WNK1: variants seen among roughly 807,000 people sequenced by gnomAD.
The protein encoded by WNK1 is WNK lysine deficient protein kinase 1.
A neutral mutation model predicts 222.8 loss-of-function variants in WNK1; 38 were observed. The observed-to-expected ratio is 0.17, with a 90% CI of 0.13 to 0.22. WNK1 has a LOEUF of 0.22. Among genes scored for constraint, WNK1 ranks in the 10% least tolerant of loss-of-function variants. WNK1 has a pLI of 1.00. For synonymous variants in WNK1, 1,090 were observed against 1,092.9 expected (o/e 1.00, Z 0.05); for missense variants, 2,348 against 2,918.4 (o/e 0.80, Z 4.50).
chr12:787,099 A>G (rs775243349), intron 1 of WNK1, among the ~76,000 whole-genome samples: 3 of 152,104 alleles, frequency 2.0e-5, no homozygotes, highest in Non-Finnish European at 4.4e-5. Context: ...GAAATTATGT[A>G]TTTTTCATTG....
chr12:844,385 C>T (rs1949861781), intron 4 of WNK1, among the ~76,000 whole-genome samples: 1 of 152,146 alleles, frequency 6.6e-6, no homozygotes. Flanking sequence ...ATCCACCAGC[C>T]CCGGCCTCCC....
intron 1 of WNK1, among the ~76,000 whole-genome samples, chr12:771,654 C>T (rs113260958): frequency 0.074 from 11,305 of 152,016 alleles, 485 homozygotes; most frequent in African/African-American, 0.089. Flanking sequence ...CGGTTGATCT[C>T]GAACTCCTGA....
chr12:753,987 C>T lies in WNK1; in HGVS notation c.422C>T (p.Ala141Val). ...GTAGCCCAGCAGCCTCCAGCCGCTGCCGCCCCTGGGGAACAGGCCGTCGCG... is the reference window on the plus strand; with the variant it reads ...GTAGCCCAGCAGCCTCCAGCCGCTGTCGCCCCTGGGGAACAGGCCGTCGCG... ...SQVAQQPPAA[A>V]APGEQAVAGP... Residue 141 changes from alanine to valine, a missense_variant, in exon 1 of 28, where the codon GCC (alanine) becomes GTC (valine). By Grantham distance (64) the Ala-to-Val change is moderately conservative. Transcript: ENST00000315939. This position sits in a 1 kb window ranked among gnomAD's most constrained non-coding sequence, Gnocchi z 5.2. 1.3e-6 allele frequency: 2 copies of T among 1,592,242 alleles called. No individual in the cohort carries two copies. The highest frequency in any genetic ancestry group is 1.7e-6 in the Non-Finnish European group (2 of 1,170,004).
At chr12:813,201 C>T (rs538296030) in intron 1 of WNK1, among the ~76,000 whole-genome samples, 2 of 152,300 alleles carry the variant, frequency 1.3e-5, no homozygotes, top group African/African-American at 4.8e-5. Context: ...CCGCTGCATT[C>T]CAGCCTTGGT....
At chr12:878,896 T>C (rs894548095) in intron 10 of WNK1, among the ~76,000 whole-genome samples, 2 of 152,048 alleles carry the variant, frequency 1.3e-5, no homozygotes, top group Non-Finnish European at 2.9e-5. Flanking sequence ...TGTGCATGTA[T>C]GTGCACAGTG....
chr12:890,569 A>G lies in WNK1; in HGVS notation c.5509+56A>G, dbSNP rs1042944206. ...CTAATTCCAGCCCTACCCGTAGTTG[A>G]TTCAGGAGGTTTACCGTTTCAAAGA... On this transcript the variant is annotated intron_variant, in intron 22 of 27. Transcript: ENST00000315939. 4.4e-6 allele frequency: 7 copies of G among 1,590,070 alleles called. No homozygotes were observed. The African/African-American group carries it at 8.1e-5, about 18-fold the overall frequency.
intron 15 of WNK1, 104 bp from the exon 16 acceptor site, chr12:883,287 AAAAT>A: frequency 7.5e-7 from 1 of 1,341,202 alleles, no homozygotes; most frequent in East Asian, 2.4e-5. Flanking sequence ...ACTTGAGTAC[AAAAT>A]AAATAAAAAT....
chr12:821,047 T>G (rs1291765953), intron 2 of WNK1, among the ~76,000 whole-genome samples: 27 of 67,062 alleles, frequency 4.0e-4, no homozygotes, highest in Non-Finnish European at 8.3e-4. Flanking sequence ...CTTGAGTTTT[T>G]TTTTTTTTTT....
intron 4 of WNK1, among the ~76,000 whole-genome samples, chr12:835,359 A>G (rs1478907157): frequency 6.9e-6 from 1 of 144,016 alleles, no homozygotes. Context: ...AAAAAAACCC[A>G]CAATAGCTTA....
intron 1 of WNK1, among the ~76,000 whole-genome samples, chr12:771,935 AAACCCTCTTAATTTAAGGACTGC>A (rs1234528483): frequency 6.6e-6 from 1 of 151,876 alleles, no homozygotes; most frequent in Non-Finnish European, 1.5e-5. Context: ...CAGGCTTGAG[AAACCCTCTTAATTTAAGGACTGC>A]AGAAGCTTAC....
At chr12:758,248 T>C (rs1940470541) in intron 1 of WNK1, among the ~76,000 whole-genome samples, 1 of 146,260 alleles carries the variant, frequency 6.8e-6, no homozygotes, top group African/African-American at 2.4e-5. Context: ...TTTTTCTCTG[T>C]CTTTTATTAA....
chr12:796,557 T>C (rs1945331015), intron 1 of WNK1, among the ~76,000 whole-genome samples: 1 of 152,226 alleles, frequency 6.6e-6, no homozygotes. Flanking sequence ...ATTACAGGCA[T>C]GAGCCACTGC....
chr12:844,135 A>AT (rs1159295143), intron 4 of WNK1, among the ~76,000 whole-genome samples: 2 of 150,986 alleles, frequency 1.3e-5, no homozygotes, highest in African/African-American at 4.9e-5. Flanking sequence ...TCTTTATTTT[A>AT]TTTTATTTTT....
chr12:897,614 C>G lies in WNK1; in HGVS notation c.6381C>G (p.Pro2127=). Residue 2127 remains proline (P), a synonymous_variant, in exon 25 of 28, where the codon CCC becomes CCG. Coordinates refer to ENST00000315939, the MANE Select transcript of WNK1 (RefSeq NM_018979.4). ...AAPLSGRRRR[P]TKSKGSKSSR... is the part of the protein sequence containing the mutation. ...CCCTTTCAGGGAGAAGACGACGACC[C>G]ACTAAAAGCAAAGGCAGCAAATCTA... 1 of 1,614,182 alleles carries G rather than the reference C, an allele frequency of 6.2e-7. No homozygotes were observed. The highest frequency in any genetic ancestry group is 1.1e-5 in the South Asian group (1 of 91,084).
chr12:853,509 A>G (rs1311797562), intron 4 of WNK1, among the ~76,000 whole-genome samples: 2 of 152,232 alleles, frequency 1.3e-5, no homozygotes, highest in Non-Finnish European at 2.9e-5. Flanking sequence ...CAGATACGAC[A>G]TTTGAATTCA....
At chr12:823,906 T>G (rs1393181060) in intron 2 of WNK1, among the ~76,000 whole-genome samples, 2 of 148,190 alleles carry the variant, frequency 1.3e-5, no homozygotes, top group East Asian at 3.9e-4. Flanking sequence ...ACATCTTTTT[T>G]TTTTTTTTTT....
At chr12:814,158 G>A (rs531396097) in intron 2 of WNK1, among the ~76,000 whole-genome samples, 3 of 149,216 alleles carry the variant, frequency 2.0e-5, no homozygotes, top group South Asian at 2.1e-4. Flanking sequence ...GTGAAACCCC[G>A]TCTCTACTAA....
intron 9 of WNK1, 39 bp from the exon 10 acceptor site, chr12:878,173 G>A (rs1440733844): frequency 6.2e-7 from 1 of 1,613,348 alleles, no homozygotes. Context: ...TGCTGTTATT[G>A]ATTTGAAATA....
At position 763,589 on chromosome 12, in the gene WNK1, C is replaced by CAA. The variant is rs66873249; in HGVS notation, c.759+9274_759+9275dup. Among the ~76,000 whole-genome samples, 65 of 137,718 alleles carry CAA rather than the reference C, an allele frequency of 4.7e-4. 5 individuals are homozygous for CAA. Among genetic ancestry groups the CAA allele is most frequent in the South Asian group, 3.9e-3 (16 of 4,112 alleles). The allele number at this position is 137,718 out of a possible 152,430, so 90.3% of individuals were successfully genotyped here. On this transcript the variant is annotated intron_variant, in intron 1 of 27. Transcript: ENST00000315939. ...GGGCGACAAGAGGGAAACTCTGTCTCAAAAAAAAAAGAAAAAGTTATGAAT... is the reference window on the plus strand; with the variant it reads ...GGGCGACAAGAGGGAAACTCTGTCTCAAAAAAAAAAAAGAAAAAGTTATGAAT...
Sources: allele counts gnomAD v4.1 joint callset (sites outside exome capture counted in the v4.1 genomes callset), GRCh38; gene constraint gnomAD v4.1.1; non-coding constraint Gnocchi (gnomAD v3.1); transcripts MANE v1.5; gene names NCBI Gene and HGNC (gene_info 2026-07-23, HGNC 2026-07-21).